Variants in AIDA observed in about 807,000 individuals in gnomAD.
AIDA encodes axin interactor, dorsalization associated.
Under a neutral mutation model 42.7 loss-of-function variants are expected in AIDA, and 18 were observed. The observed-to-expected ratio is 0.42, with a 90% CI of 0.29 to 0.63. The LOEUF (loss-of-function observed/expected upper bound fraction) is 0.63, where lower values mean the gene tolerates loss of function less well. Among genes scored for constraint, AIDA ranks in the 20% least tolerant of loss-of-function variants. AIDA has a pLI of 0.19. For missense variants in AIDA, 250 were observed against 354.1 expected, an observed-to-expected ratio of 0.71 and a Z score of 2.36; for synonymous variants, 104 against 122.9, an observed-to-expected ratio of 0.85 and a Z score of 1.02.
At chr1:222,692,739 C>T (rs1489651204) in intron 4 of AIDA, among the ~76,000 whole-genome samples, 5 of 152,018 alleles carry the variant, frequency 3.3e-5, no homozygotes, top group Admixed American at 6.6e-5. Context: ...GCTAGGGGAA[C>T]AGAGAAAGAT....
Position 222,703,015 on chromosome 1 carries a change from AAT to A in AIDA, c.180+131_180+132del, listed in dbSNP as rs1571941440. The A allele has an allele frequency of 6.4e-6, 4 of 621,002 alleles. No homozygotes were observed. The East Asian group carries it at 1.2e-4, about 18-fold the overall frequency. The allele number at this position is 621,002 out of a possible 1,614,324, so 38.5% of individuals were successfully genotyped here. A position where few individuals can be genotyped will look rare whatever the true frequency, so the allele number is the denominator to read the frequency against. On this transcript the variant is annotated intron_variant, in intron 2 of 9. Transcript: ENST00000340020. ...ACTTAATGTTAGGCAAAGCATAATCAATATCATTCTTTTTACTTAAGTATAAC... is the reference window on the plus strand; with the variant it reads ...ACTTAATGTTAGGCAAAGCATAATCAATCATTCTTTTTACTTAAGTATAAC...
chr1:222,703,576 G>C (rs1358623900), intron 1 of AIDA, among the ~76,000 whole-genome samples: 3 of 152,094 alleles, frequency 2.0e-5, no homozygotes, highest in Admixed American at 2.0e-4. Flanking sequence ...CACTTCCAGG[G>C]AGCACCAGTG....
chr1:222,706,128 T>A (rs1455752741), intron 1 of AIDA, among the ~76,000 whole-genome samples: 1 of 152,186 alleles, frequency 6.6e-6, no homozygotes, highest in Non-Finnish European at 1.5e-5. Flanking sequence ...CAGTGAGGTA[T>A]GTATTATACA....
intron 6 of AIDA, among the ~76,000 whole-genome samples, chr1:222,684,460 T>G (rs1398733960): frequency 6.6e-6 from 1 of 152,188 alleles, no homozygotes; most frequent in Non-Finnish European, 1.5e-5. Flanking sequence ...ATTTTAAATT[T>G]TGGGTTCCCT....
chr1:222,692,755 AT>A (rs1655404286), intron 4 of AIDA, among the ~76,000 whole-genome samples: 2 of 152,224 alleles, frequency 1.3e-5, no homozygotes, highest in Admixed American at 1.3e-4. Flanking sequence ...AAGATGGGAC[AT>A]CTGAGGGACT....
At chr1:222,708,088 C>T (rs1655891084) in intron 1 of AIDA, among the ~76,000 whole-genome samples, 1 of 152,036 alleles carries the variant, frequency 6.6e-6, no homozygotes, top group Non-Finnish European at 1.5e-5. Context: ...GCAGGCAGAT[C>T]ACTTGAGGTC....
chr1:222,712,154 G>C, intron 1 of AIDA, 54 bp downstream of exon 1: 2 of 1,552,170 alleles, frequency 1.3e-6, no homozygotes, highest in Non-Finnish European at 1.7e-6. Context: ...CAGAAACAAG[G>C]GAGAGGCGCA....
At chr1:222,711,417 G>A (rs1270259600) in intron 1 of AIDA, 1 of 152,264 alleles carries the variant, frequency 6.6e-6, no homozygotes, top group African/African-American at 2.4e-5. Flanking sequence ...AGGAAAAGGA[G>A]GAGGGATCCA....
At chr1:222,693,111 T>A (rs1451555750) in intron 4 of AIDA, among the ~76,000 whole-genome samples, 1 of 152,200 alleles carries the variant, frequency 6.6e-6, no homozygotes, top group African/African-American at 2.4e-5. Context: ...TAAAATGCTA[T>A]GATTTTATGA....
chr1:222,689,550 CAT>C (rs138764939), intron 4 of AIDA, among the ~76,000 whole-genome samples: 1 of 56,322 alleles, frequency 1.8e-5, no homozygotes, highest in Admixed American at 1.8e-4. Flanking sequence ...CATATATATA[CAT>C]ATATATGTAT....
chr1:222,699,015 C>T lies in AIDA; in HGVS notation c.180+4133G>A, dbSNP rs140192556. Among the ~76,000 whole-genome samples the T allele has an allele frequency of 2.9e-3, 447 of 152,136 alleles. 2 individuals are homozygous for T. The highest frequency in any genetic ancestry group is 4.1e-3 in the Non-Finnish European group (281 of 67,988). ...TAATTTTTTGTATTTTCAGTAGAGA[C>T]GGGGTTTCACCGTGTTAGCCAGGAC... On this transcript the variant is annotated intron_variant, in intron 2 of 9. Transcript: ENST00000340020.
intron 1 of AIDA, among the ~76,000 whole-genome samples, chr1:222,705,945 G>A (rs985994968): frequency 2.6e-5 from 4 of 151,968 alleles, no homozygotes; most frequent in Admixed American, 2.0e-4. Context: ...ATAAAAGACT[G>A]TATCCAGAAT....
intron 1 of AIDA, among the ~76,000 whole-genome samples, chr1:222,707,138 C>T (rs1655859483): frequency 6.6e-6 from 1 of 151,706 alleles, no homozygotes; most frequent in Non-Finnish European, 1.5e-5. Context: ...AATTATACCT[C>T]AATAAAGTTG....
rs137904990 is a variant in AIDA, at chr1:222,688,603, AT to A, written c.290-946del. Reference sequence around the variant, plus strand: ...TCTTCTACTTACTAAAAAAAAGTTAATTTTTTTTTTTTTTGAGACAGAGTCT... The same window carrying A: ...TCTTCTACTTACTAAAAAAAAGTTAATTTTTTTTTTTTTGAGACAGAGTCT... On this transcript the variant is annotated intron_variant, in intron 4 of 9. Coordinates refer to ENST00000340020, the MANE Select transcript of AIDA (RefSeq NM_022831.4). 4.9e-3 allele frequency among the ~76,000 whole-genome samples: 712 copies of A among 145,088 alleles called. 1 individual carries two copies. The highest frequency in any genetic ancestry group is 0.011 in the African/African-American group (420 of 39,868).
At chr1:222,672,414 C>A (rs949754707) in intron 8 of AIDA, among the ~76,000 whole-genome samples, 1 of 152,180 alleles carries the variant, frequency 6.6e-6, no homozygotes, top group Non-Finnish European at 1.5e-5. Context: ...CTCCTACATA[C>A]ATAGTCTTCT....
chr1:222,687,083 A>G (rs1287969361), intron 5 of AIDA, 47 bp from the exon 6 acceptor site: 1 of 1,588,914 alleles, frequency 6.3e-7, no homozygotes, highest in Non-Finnish European at 8.6e-7. Context: ...AAAACTAAAT[A>G]TACTAGTGAA....
At chr1:222,670,419 C>T (rs1030145903) in intron 8 of AIDA, among the ~76,000 whole-genome samples, 169 bp from the exon 9 acceptor site, 10 of 152,196 alleles carry the variant, frequency 6.6e-5, no homozygotes, top group Admixed American at 2.0e-4. Flanking sequence ...GTTGTCACCC[C>T]GAACTCTTCT....
intron 3 of AIDA, 121 bp from the exon 4 acceptor site, chr1:222,693,964 T>C: frequency 1.0e-6 from 1 of 978,100 alleles, no homozygotes; most frequent in Non-Finnish European, 1.5e-6. Context: ...AGGTAGAAAA[T>C]GAAAAGTCCC....
At chr1:222,710,388 C>T (rs77311608) in intron 1 of AIDA, among the ~76,000 whole-genome samples, 2,275 of 152,276 alleles carry the variant, frequency 0.015, 23 homozygotes, top group Non-Finnish European at 0.023. Flanking sequence ...CTTCATGTTC[C>T]TAGAAATTCA....
Sources: allele counts gnomAD v4.1 joint callset (sites outside exome capture counted in the v4.1 genomes callset), GRCh38; gene constraint gnomAD v4.1.1; transcripts MANE v1.5; gene names NCBI Gene and HGNC (gene_info 2026-07-23, HGNC 2026-07-21).